Variants in ZNF385D observed in about 807,000 individuals in gnomAD.
ZNF385D encodes the protein zinc finger protein 659.
A neutral mutation model predicts 35.8 loss-of-function variants in ZNF385D; 15 were observed. That is an observed-to-expected ratio of 0.42 (90% CI 0.28 to 0.64). ZNF385D has a LOEUF of 0.64. Among genes scored for constraint, ZNF385D ranks in the 30% least tolerant of loss-of-function variants. The pLI is 0.23. For synonymous variants in ZNF385D, 212 were observed against 186.8 expected, an observed-to-expected ratio of 1.13 and a Z score of -1.10; for missense variants, 474 against 494.6, an observed-to-expected ratio of 0.96 and a Z score of 0.39.
intron 3 of ZNF385D, among the ~76,000 whole-genome samples, chr3:21,967,783 C>T (rs1279011724): frequency 6.6e-6 from 1 of 152,106 alleles, no homozygotes; most frequent in Non-Finnish European, 1.5e-5. Context: ...AATGAGGTTC[C>T]TAAAAGAGAT....
chr3:21,642,546 A>G, intron 2 of ZNF385D, among the ~76,000 whole-genome samples: 1 of 152,042 alleles, frequency 6.6e-6, no homozygotes, highest in East Asian at 1.9e-4. Flanking sequence ...TTTTCACCCT[A>G]CCTAGATTCA....
At chr3:21,523,144 T>G (rs1392826325) in intron 3 of ZNF385D, among the ~76,000 whole-genome samples, 5 of 152,224 alleles carry the variant, frequency 3.3e-5, no homozygotes, top group Admixed American at 2.6e-4. Flanking sequence ...GTGGAATAAG[T>G]GAATGAATAC....
At chr3:21,614,180 TCAAGGTATAAG>T (rs2064773087) in intron 2 of ZNF385D, among the ~76,000 whole-genome samples, 1 of 152,112 alleles carries the variant, frequency 6.6e-6, no homozygotes, top group Non-Finnish European at 1.5e-5. Flanking sequence ...AAGTCAAAGA[TCAAGGTATAAG>T]CAGGTCTGAC....
intron 3 of ZNF385D, among the ~76,000 whole-genome samples, chr3:21,525,880 T>A (rs1708195437): frequency 6.6e-6 from 1 of 152,066 alleles, no homozygotes; most frequent in Non-Finnish European, 1.5e-5. Context: ...ATACAGCGGT[T>A]GTCTAAGTGA....
At chr3:22,027,940 C>T (rs1301769095) in intron 3 of ZNF385D, among the ~76,000 whole-genome samples, 2 of 152,160 alleles carry the variant, frequency 1.3e-5, no homozygotes, top group Non-Finnish European at 2.9e-5. Context: ...AGCACTACAG[C>T]CCCTTTCTAG....
At chr3:21,592,563 CAA>C (rs200460514) in intron 2 of ZNF385D, among the ~76,000 whole-genome samples, 10 of 92,364 alleles carry the variant, frequency 1.1e-4, no homozygotes, top group South Asian at 3.4e-4. Flanking sequence ...AAACCAAAAA[CAA>C]AAAAAAAAAA....
At chr3:21,807,574 C>A (rs1408156294) in intron 3 of ZNF385D, among the ~76,000 whole-genome samples, 3 of 151,976 alleles carry the variant, frequency 2.0e-5, no homozygotes, top group Non-Finnish European at 4.4e-5. Context: ...CTAAGAAATA[C>A]AATAGTGAAT....
chr3:21,902,551 G>C (rs1321109462), intron 3 of ZNF385D, among the ~76,000 whole-genome samples: 1 of 152,118 alleles, frequency 6.6e-6, no homozygotes, highest in Non-Finnish European at 1.5e-5. Flanking sequence ...CTTTCATTGA[G>C]ACGATAAACG....
intron 3 of ZNF385D, among the ~76,000 whole-genome samples, chr3:22,042,425 A>G (rs1698723187): frequency 6.6e-6 from 1 of 151,902 alleles, no homozygotes; most frequent in Non-Finnish European, 1.5e-5. Context: ...CTTAGTTGTG[A>G]TAGGGCTAAA....
chr3:21,692,665 A>G (rs2067320955), intron 1 of ZNF385D, among the ~76,000 whole-genome samples: 1 of 152,224 alleles, frequency 6.6e-6, no homozygotes, highest in African/African-American at 2.4e-5. Flanking sequence ...ACAAGCACGC[A>G]GAACACCTAT....
chr3:21,472,895 T>C (rs950754770), intron 4 of ZNF385D, among the ~76,000 whole-genome samples: 10 of 152,122 alleles, frequency 6.6e-5, no homozygotes, highest in Admixed American at 2.6e-4. Flanking sequence ...TGCTACCTGA[T>C]TTGTAAATGT....
At chr3:22,211,633 G>T (rs1697530463) in intron 2 of ZNF385D, among the ~76,000 whole-genome samples, 1 of 152,024 alleles carries the variant, frequency 6.6e-6, no homozygotes, top group Admixed American at 6.6e-5. Context: ...AAGAAAGAAA[G>T]AGTGCTGCCT....
intron 2 of ZNF385D, among the ~76,000 whole-genome samples, chr3:22,351,968 T>A (rs896386128): frequency 2.0e-5 from 3 of 152,136 alleles, no homozygotes; most frequent in African/African-American, 7.2e-5. Context: ...CTTTTATACA[T>A]CTTTTGTATC....
intron 2 of ZNF385D, among the ~76,000 whole-genome samples, chr3:22,282,372 T>G (rs757775556): frequency 2.0e-5 from 3 of 152,140 alleles, no homozygotes; most frequent in Non-Finnish European, 2.9e-5. Flanking sequence ...CATTTAACAC[T>G]ATGAACTTTC....
chr3:21,971,864 G>A (rs1326523661), intron 3 of ZNF385D, among the ~76,000 whole-genome samples: 1 of 151,858 alleles, frequency 6.6e-6, no homozygotes, highest in African/African-American at 2.4e-5. Context: ...ATGAGACAAA[G>A]AAGGTCACTA....
At chr3:22,165,541 G>A (rs9310685) in intron 3 of ZNF385D, among the ~76,000 whole-genome samples, 29,289 of 152,108 alleles carry the variant, frequency 0.19, 2,902 homozygotes, top group African/African-American at 0.21. Flanking sequence ...CCTACTGATG[G>A]CAGTTGGCAG....
intron 3 of ZNF385D, among the ~76,000 whole-genome samples, chr3:21,837,623 T>C (rs6550628): frequency 0.89 from 135,968 of 152,092 alleles, 61,050 homozygotes; most frequent in African/African-American, 0.97. Flanking sequence ...CCTGTAATCT[T>C]GACACTTTGG....
intron 2 of ZNF385D, among the ~76,000 whole-genome samples, chr3:21,642,299 C>T (rs534243017): frequency 6.6e-6 from 1 of 152,152 alleles, no homozygotes; most frequent in Non-Finnish European, 1.5e-5. Context: ...AGAGAAAGCC[C>T]TTCTCTTTAT....
intron 3 of ZNF385D, among the ~76,000 whole-genome samples, chr3:21,977,479 A>G (rs76848476): frequency 0.05 from 7,671 of 152,112 alleles, 209 homozygotes; most frequent in Middle Eastern, 0.075. Flanking sequence ...AAGATGAAAA[A>G]CAGTAATAAA....
Sources: gnomAD v4.1 joint callset for allele counts (sites outside exome capture counted in the v4.1 genomes callset) on GRCh38, gnomAD v4.1.1 for gene constraint, MANE v1.5 for transcripts, NCBI Gene and HGNC (gene_info 2026-07-23, HGNC 2026-07-21) for gene names.